PCDHGA3: variants seen among roughly 807,000 people sequenced by gnomAD.
The protein encoded by PCDHGA3 is protocadherin gamma-A3.
PCDHGA3 carries 40 observed loss-of-function variants against 58.5 expected under a neutral mutation model. The ratio of observed to expected loss-of-function variants is 0.68; its 90% CI spans 0.53 to 0.89. The LOEUF (loss-of-function observed/expected upper bound fraction) is 0.89. Among genes scored for constraint, PCDHGA3 ranks in the 40% least tolerant of loss-of-function variants. The pLI, the probability that PCDHGA3 is intolerant of heterozygous loss-of-function variation, is 0.00. For synonymous variants in PCDHGA3, 530 were observed against 525.7 expected (o/e 1.01, Z -0.11); for missense variants, 1,223 against 1,195.9 (o/e 1.02, Z -0.33).
At chr5:141,398,149 C>T (rs761559295) in intron 1 of PCDHGA3, 29 of 1,497,086 alleles carry the variant, frequency 1.9e-5, no homozygotes, top group Non-Finnish European at 2.6e-5. Context: ...CGCCGGGGAG[C>T]TGGGCCGGGC....
intron 1 of PCDHGA3, chr5:141,372,188 G>A (rs771970227): frequency 1.2e-6 from 2 of 1,613,434 alleles, no homozygotes; most frequent in Admixed American, 1.7e-5. Context: ...ACGCAGACTC[G>A]GGATACAACG....
chr5:141,350,799 A>G (rs751350769), intron 1 of PCDHGA3: 2 of 1,613,900 alleles, frequency 1.2e-6, no homozygotes, highest in Non-Finnish European at 1.7e-6. Context: ...CTGTCAACGA[A>G]GGAAAGTCCT....
intron 1 of PCDHGA3, chr5:141,375,075 C>T (rs772132262): frequency 6.2e-6 from 10 of 1,613,926 alleles, no homozygotes; most frequent in East Asian, 4.5e-5. Flanking sequence ...CGAGACAGAG[C>T]GAAAGTCTTA....
chr5:141,370,396 T>C (rs767513658), intron 1 of PCDHGA3: 3 of 1,548,714 alleles, frequency 1.9e-6, no homozygotes, highest in Non-Finnish European at 2.6e-6. Context: ...GAGAGCGGGA[T>C]GGGAAATAGC....
intron 1 of PCDHGA3, among the ~76,000 whole-genome samples, chr5:141,353,781 T>A (rs1759382826): frequency 6.6e-6 from 1 of 152,240 alleles, no homozygotes; most frequent in Non-Finnish European, 1.5e-5. Context: ...TACTGTCAAA[T>A]TTATTTCCAA....
intron 1 of PCDHGA3, among the ~76,000 whole-genome samples, chr5:141,434,831 A>T (rs1328843764): frequency 6.6e-6 from 1 of 151,904 alleles, no homozygotes; most frequent in East Asian, 1.9e-4. Flanking sequence ...TACACTTGGC[A>T]TTTATAAAGC....
chr5:141,494,468 C>G (rs2099754577), intron 1 of PCDHGA3, among the ~76,000 whole-genome samples: 1 of 152,136 alleles, frequency 6.6e-6, no homozygotes, highest in East Asian at 1.9e-4. Context: ...TGCACCTCTT[C>G]CCCCAGTTCC....
Position 141,415,740 on chromosome 5 carries a change from G to GTTTTTT in PCDHGA3, c.2424+69310_2424+69315dup, listed in dbSNP as rs57426385. ...TGAGTAGAATTTGATGTTTATTAAGGTTTTTTTTTTTTTTTTTTTTTTTTT... is the reference window on the plus strand; with the variant it reads ...TGAGTAGAATTTGATGTTTATTAAGGTTTTTTTTTTTTTTTTTTTTTTTTTTTTTTT... On this transcript the variant is annotated intron_variant, in intron 1 of 3. Transcript: ENST00000253812. 6.6e-4 allele frequency: 412 copies of GTTTTTT among 624,836 alleles called. 3 individuals carry two copies. The highest frequency in any genetic ancestry group is 1.2e-3 in the African/African-American group (49 of 39,912). The allele number at this position is 624,836 out of a possible 1,614,324, so 38.7% of individuals were successfully genotyped here.
chr5:141,470,022 G>A (rs892106953), intron 1 of PCDHGA3, among the ~76,000 whole-genome samples: 2 of 152,188 alleles, frequency 1.3e-5, no homozygotes, highest in African/African-American at 2.4e-5. Context: ...CCAGCTACTC[G>A]GGATGCTGAG....
Position 141,389,722 on chromosome 5 carries a change from G to C in PCDHGA3, c.2424+43265G>C, listed in dbSNP as rs141134077. 15,348 of 1,612,674 alleles carry C rather than the reference G, an allele frequency of 9.5e-3. 102 individuals are homozygous for C. The highest frequency in any genetic ancestry group is 0.028 in the Middle Eastern group (161 of 5,786). On this transcript the variant is annotated intron_variant, in intron 1 of 3. Coordinates refer to ENST00000253812, the MANE Select transcript of PCDHGA3 (RefSeq NM_018916.4). ...CACGTGCTGCAGGCTAGCGAGCCCG[G>C]GCTCTTCAGCCTGGGGCTGCGCACG...
At chr5:141,413,528 T>C in intron 1 of PCDHGA3, 1 of 1,613,834 alleles carries the variant, frequency 6.2e-7, no homozygotes, top group Non-Finnish European at 8.5e-7. Context: ...GAAGACAGGG[T>C]GAAACTTTTT....
rs766191511 is a variant in PCDHGA3, at chr5:141,432,498, G to T, written c.2425-62309G>T. ...TCCACTGGCGTGGAGCTGGCTCCCC[G>T]CTCCGCAGAGCCCGGCTACCTGGTG... On this transcript the variant is annotated intron_variant, in intron 1 of 3. Coordinates refer to ENST00000253812, the MANE Select transcript of PCDHGA3 (RefSeq NM_018916.4). The surrounding 1 kb of genome is among the most constrained non-coding windows in gnomAD (Gnocchi z 6.0). The T allele has an allele frequency of 6.2e-7, 1 of 1,614,106 alleles. No homozygotes were observed. The highest frequency in any genetic ancestry group is 8.5e-7 in the Non-Finnish European group (1 of 1,180,052).
Position 141,477,763 on chromosome 5 carries a change from C to G in PCDHGA3, c.2425-17044C>G, listed in dbSNP as rs763322593. The G allele has an allele frequency of 6.2e-7, 1 of 1,614,012 alleles. No homozygotes were observed. Among genetic ancestry groups the G allele is most frequent in the Non-Finnish European group, 8.5e-7 (1 of 1,180,032 alleles). Reference sequence around the variant, plus strand: ...ATGGGGGCACCCCGGTCCTAGCCACCAACATCAGCGTGAACATATTTGTCA... The same window carrying G: ...ATGGGGGCACCCCGGTCCTAGCCACGAACATCAGCGTGAACATATTTGTCA... On this transcript the variant is annotated intron_variant, in intron 1 of 3. Transcript: ENST00000253812. This position sits in a 1 kb window ranked among gnomAD's most constrained non-coding sequence, Gnocchi z 4.9.
chr5:141,375,163 A>G (rs1313060581), intron 1 of PCDHGA3: 1 of 1,613,892 alleles, frequency 6.2e-7, no homozygotes, highest in South Asian at 1.1e-5. Context: ...CTGAAAGTGC[A>G]CCTCCAGGAA....
intron 1 of PCDHGA3, chr5:141,414,381 T>A: frequency 6.2e-7 from 1 of 1,613,866 alleles, no homozygotes. Context: ...AAAAGTCCAT[T>A]GACAGTTATT....
chr5:141,364,541 A>T (rs753562113), intron 1 of PCDHGA3: 3 of 1,614,130 alleles, frequency 1.9e-6, no homozygotes, highest in Middle Eastern at 1.7e-4. Context: ...CTCCAGAGGT[A>T]GGACGCAGCT....
At chr5:141,365,911 C>T (rs769865478) in intron 1 of PCDHGA3, 33 of 1,614,102 alleles carry the variant, frequency 2.0e-5, no homozygotes, top group African/African-American at 2.7e-5. Context: ...AGTTGAGAGA[C>T]CTACAGTTGT....
intron 1 of PCDHGA3, chr5:141,420,334 T>C: frequency 7.1e-7 from 1 of 1,402,910 alleles, no homozygotes; most frequent in Non-Finnish European, 9.5e-7. Flanking sequence ...TATATTCCAA[T>C]ATAGTGGTAT....
intron 1 of PCDHGA3, among the ~76,000 whole-genome samples, chr5:141,454,343 A>G (rs1161350416): frequency 2.6e-5 from 4 of 152,248 alleles, no homozygotes; most frequent in African/African-American, 7.2e-5. Flanking sequence ...AAATGTTGGA[A>G]GTTGATCCAA....
Sources: allele counts gnomAD v4.1 joint callset (sites outside exome capture counted in the v4.1 genomes callset), GRCh38; gene constraint gnomAD v4.1.1; non-coding constraint Gnocchi (gnomAD v3.1); transcripts MANE v1.5; gene names NCBI Gene and HGNC (gene_info 2026-07-23, HGNC 2026-07-21).